The following ATR variants were observed in gnomAD, a reference collection of about 807,000 sequenced individuals.
ATR encodes ATR checkpoint kinase, also known as serine/threonine-protein kinase ATR.
A neutral mutation model predicts 305.3 loss-of-function variants in ATR; 142 were observed. That is an observed-to-expected ratio of 0.47 (90% CI 0.41 to 0.53). The LOEUF is 0.53. Ranked by LOEUF, ATR falls within the 20% of genes least tolerant of loss-of-function variation. The probability of loss-of-function intolerance (pLI) is 0.00; values close to 1 mark genes in which losing one functional copy is unlikely to be tolerated. For synonymous variants in ATR, 1,050 were observed against 1,068.1 expected (o/e 0.98, Z 0.33); for missense variants, 2,135 against 3,133.1 (o/e 0.68, Z 7.60).
In ATR at chr3:142,505,202, G is replaced by A. The variant is rs368178207; in HGVS notation, c.5133C>T (p.Ser1711=). 13 of 1,613,992 alleles carry A rather than the reference G, an allele frequency of 8.1e-6. No homozygotes were observed. The highest frequency in any genetic ancestry group is 4.5e-5 in the East Asian group (2 of 44,894). ...CAGTGGCATCCCTCAGCAAGCCAAGGCTTTCATGTTCAAGGATCTGTTCTT... is the reference window on the plus strand; with the variant it reads ...CAGTGGCATCCCTCAGCAAGCCAAGACTTTCATGTTCAAGGATCTGTTCTT... ...SLKEQILEHE[S]LGLLRDATAC... is the part of the protein sequence containing the mutation. The change falls in exon 29 of 47, where the codon AGC becomes AGT. Residue 1711 remains serine (S), a synonymous_variant. Coordinates refer to ENST00000350721, the MANE Select transcript of ATR (RefSeq NM_001184.4).
At position 142,481,638 on chromosome 3, in the gene ATR, A is replaced by G. The variant is rs553737666; in HGVS notation, c.6221+3502T>C. 2.0e-3 allele frequency among the ~76,000 whole-genome samples: 304 copies of G among 152,064 alleles called. 2 individuals carry two copies. The highest frequency in any genetic ancestry group is 6.9e-3 in the African/African-American group (288 of 41,492). ...CCCACATAGCTGGGACCATGGTTGT[A>G]CACCCTATGCCTGGCTGATTTATTT... is the stretch of plus-strand genomic sequence containing the variant. On this transcript the variant is annotated intron_variant, in intron 36 of 46. Transcript: ENST00000350721.
Position 142,485,144 on chromosome 3 carries a change from C to T in ATR, c.6217G>A (p.Gly2073Ser), listed in dbSNP as rs1330121617. ...DLIRYIVLHFGRSLQYGNQFI... is the reference protein window; with the variant it reads ...DLIRYIVLHFSRSLQYGNQFI... ...ACATGCAGTTCTCATACTCACCTGC[C>T]AAAATGAAGAACTATATACCGGATG... Residue 2073 changes from glycine (G) to serine (S), a missense_variant, in exon 36 of 47, where the codon GGC becomes AGC. Gly to Ser is a moderately conservative substitution (Grantham distance 56). Coordinates refer to ENST00000350721, the MANE Select transcript of ATR (RefSeq NM_001184.4). 1 of 1,614,116 alleles carries T rather than the reference C, an allele frequency of 6.2e-7. No individual in the cohort carries two copies. Among genetic ancestry groups the T allele is most frequent in the Admixed American group, 1.7e-5 (1 of 60,002 alleles).
At chr3:142,501,366 C>T (rs888561251) in intron 30 of ATR, among the ~76,000 whole-genome samples, 1 of 152,180 alleles carries the variant, frequency 6.6e-6, no homozygotes, top group Non-Finnish European at 1.5e-5. Context: ...AACATATAAG[C>T]ATTCCTTCTT....
chr3:142,562,402 G>C lies in ATR; in HGVS notation c.1000C>G (p.Leu334Val). Residue 334 changes from leucine to valine, a missense_variant, in exon 4 of 47, where the codon CTC (leucine) becomes GTC (valine). By Grantham distance (32) the Leu-to-Val change is conservative. Transcript: ENST00000350721. ...AGCAAATCAGACTTAAGCCGCATGA[G>C]CACACCGTCTTCAAACATGACACAG... ...KLCVMFEDGV[L>V]MRLKSDLLKA... 1 of 1,614,104 alleles carries C rather than the reference G, an allele frequency of 6.2e-7. No individual in the cohort carries two copies. The highest frequency in any genetic ancestry group is 8.5e-7 in the Non-Finnish European group (1 of 1,179,992).
chr3:142,481,922 A>G (rs4558780), intron 36 of ATR, among the ~76,000 whole-genome samples: 65,204 of 151,810 alleles, frequency 0.43, 14,077 homozygotes, highest in African/African-American at 0.5. Flanking sequence ...TCCTGGGCTC[A>G]AGCAATCCTC....
chr3:142,550,906 G>A (rs2034448255), intron 13 of ATR, among the ~76,000 whole-genome samples: 1 of 151,980 alleles, frequency 6.6e-6, no homozygotes, highest in Non-Finnish European at 1.5e-5. Flanking sequence ...TTCTGCCTCA[G>A]CCTCCTGAGT....
intron 44 of ATR, among the ~76,000 whole-genome samples, 190 bp downstream of exon 44, chr3:142,458,768 C>T (rs2070962139): frequency 6.6e-6 from 1 of 152,168 alleles, no homozygotes; most frequent in Non-Finnish European, 1.5e-5. Context: ...TACAGTATCA[C>T]TCTTCTAAGT....
intron 15 of ATR, 51 bp from the exon 16 acceptor site, chr3:142,547,961 G>T: frequency 6.7e-7 from 1 of 1,490,236 alleles, no homozygotes; most frequent in Non-Finnish European, 9.3e-7. Flanking sequence ...CTAATATCCT[G>T]GAAATAAGTA....
chr3:142,556,991 A>G (rs1438784734), intron 8 of ATR, among the ~76,000 whole-genome samples: 1 of 152,204 alleles, frequency 6.6e-6, no homozygotes, highest in East Asian at 1.9e-4. Flanking sequence ...ATACAGCAGA[A>G]TAGAGGTGAA....
intron 36 of ATR, among the ~76,000 whole-genome samples, chr3:142,483,604 C>T (rs554974015): frequency 7.9e-5 from 12 of 152,076 alleles, no homozygotes; most frequent in South Asian, 2.1e-4. Flanking sequence ...TTTGGGAGGC[C>T]GTGGTGGGTG....
At chr3:142,552,569 C>G (rs955403721) in intron 13 of ATR, among the ~76,000 whole-genome samples, 2 of 149,904 alleles carry the variant, frequency 1.3e-5, no homozygotes, top group Admixed American at 1.3e-4. Flanking sequence ...ACTTGGGAGG[C>G]TGAGGCAGGA....
At chr3:142,574,964 A>G (rs1459296921) in intron 1 of ATR, among the ~76,000 whole-genome samples, 1 of 152,238 alleles carries the variant, frequency 6.6e-6, no homozygotes. Context: ...CTGGCTAAGT[A>G]GTTTGGATTT....
At chr3:142,466,303 T>C in intron 40 of ATR, 21 bp downstream of exon 40, 1 of 1,597,340 alleles carries the variant, frequency 6.3e-7, no homozygotes, top group Non-Finnish European at 8.6e-7. Flanking sequence ...AAAATCATAG[T>C]CATATAAAAC....
In ATR at chr3:142,531,824, T is replaced by A. The variant is rs1214686806; in HGVS notation, c.3945+3256A>T. On this transcript the variant is annotated intron_variant, in intron 21 of 46. Coordinates refer to ENST00000350721, the MANE Select transcript of ATR (RefSeq NM_001184.4). Reference sequence around the variant, plus strand: ...TTTCTAGTTCTAGATCCCTGAGGAATCGCCACACTGACTTCCACAATGGTT... The same window carrying A: ...TTTCTAGTTCTAGATCCCTGAGGAAACGCCACACTGACTTCCACAATGGTT... Among the ~76,000 whole-genome samples, 4 of 152,340 alleles carry A rather than the reference T, an allele frequency of 2.6e-5. No homozygotes were observed. The East Asian group carries it at 5.8e-4, about 22-fold the overall frequency.
chr3:142,555,919 G>C lies in ATR; in HGVS notation c.2299C>G (p.Leu767Val). 6.2e-7 allele frequency: 1 copy of C among 1,610,898 alleles called. No individual in the cohort carries two copies. Among genetic ancestry groups the C allele is most frequent in the African/African-American group, 1.3e-5 (1 of 74,722 alleles). The change falls in exon 10 of 47, where the codon CTT becomes GTT. Residue 767 changes from leucine to valine, a missense_variant. Transcript: ENST00000350721. Reference sequence around the variant, plus strand: ...GGTATTTTTTTTTTCAGTAGGAAAAGGAATGGCTTGCAGACAGAAGCTTTT... The same window carrying C: ...GGTATTTTTTTTTTCAGTAGGAAAACGAATGGCTTGCAGACAGAAGCTTTT... ...QLKASVCKPF[L>V]FLLKKKIPSP...
At chr3:142,475,495 CATT>C (rs1293181930) in intron 36 of ATR, among the ~76,000 whole-genome samples, 1 of 152,176 alleles carries the variant, frequency 6.6e-6, no homozygotes, top group Non-Finnish European at 1.5e-5. Context: ...TCCAGTCTAT[CATT>C]GTTGGACATT....
chr3:142,523,707 G>A (rs936398153), intron 22 of ATR, among the ~76,000 whole-genome samples: 14 of 152,110 alleles, frequency 9.2e-5, no homozygotes, highest in South Asian at 6.2e-4. Context: ...TAGCAATAAT[G>A]TTTAAAAAGT....
intron 30 of ATR, 95 bp downstream of exon 30, chr3:142,503,264 ATTT>A: frequency 1.1e-6 from 1 of 874,416 alleles, no homozygotes. Flanking sequence ...CACATAAAAC[ATTT>A]ATTACTCTAC....
At chr3:142,477,008 G>C (rs943330871) in intron 36 of ATR, among the ~76,000 whole-genome samples, 1 of 152,114 alleles carries the variant, frequency 6.6e-6, no homozygotes. Context: ...AGATGATGGG[G>C]TTTTCTAGAT....
Sources: gnomAD v4.1 joint callset for allele counts (sites outside exome capture counted in the v4.1 genomes callset) on GRCh38, gnomAD v4.1.1 for gene constraint, MANE v1.5 for transcripts, NCBI Gene and HGNC (gene_info 2026-07-23, HGNC 2026-07-21) for gene names.